NDUFAF6: variants seen among roughly 807,000 people sequenced by gnomAD.
The protein encoded by NDUFAF6 is NADH dehydrogenase (ubiquinone) complex I, assembly factor 6.
Under a neutral mutation model 40.8 loss-of-function variants are expected in NDUFAF6, and 45 were observed. That is an observed-to-expected ratio of 1.10 (90% CI 0.87 to 1.42). NDUFAF6 has a LOEUF of 1.42. NDUFAF6 is among the 40% of genes most tolerant of loss of function. The pLI is 0.00. For missense variants in NDUFAF6, 435 were observed against 418.5 expected (o/e 1.04, Z -0.34); for synonymous variants, 185 against 155.9 (o/e 1.19, Z -1.39).
At chr8:95,084,987 T>G (rs1043393198) in intron 2 of NDUFAF6, among the ~76,000 whole-genome samples, 16 of 152,228 alleles carry the variant, frequency 1.1e-4, no homozygotes, top group African/African-American at 3.9e-4. Context: ...ATCATTGGCC[T>G]GAATCACACT....
At position 94,997,343 on chromosome 8, in the gene NDUFAF6, C is replaced by CACAG. The variant is rs1242904810; in HGVS notation, c.-84+16371_-84+16372insCAGA. Among the ~76,000 whole-genome samples, 533 of 90,546 alleles carry CACAG rather than the reference C, an allele frequency of 5.9e-3. 1 individual carries two copies. Among genetic ancestry groups the CACAG allele is most frequent in the Admixed American group, 0.012 (79 of 6,462 alleles). 59.4% of individuals were successfully genotyped at this position (90,546 alleles called of 152,430 possible). On this transcript the variant is annotated intron_variant, in intron 2 of 9. Transcript: ENST00000396111. ...ACACACACACACACACACACACACACAGAGAGAGAGAGAGAGAGAGAGACA... is the reference window on the plus strand; with the variant it reads ...ACACACACACACACACACACACACACACAGAGAGAGAGAGAGAGAGAGAGAGACA...
chr8:95,002,930 A>G (rs1372776862), intron 2 of NDUFAF6, among the ~76,000 whole-genome samples: 4 of 152,112 alleles, frequency 2.6e-5, no homozygotes, highest in South Asian at 2.1e-4. Context: ...GACTTCCTCT[A>G]TGTGGTAGTG....
chr8:94,935,171 A>G (rs985118034), intron 1 of NDUFAF6, among the ~76,000 whole-genome samples: 4 of 151,906 alleles, frequency 2.6e-5, no homozygotes, highest in African/African-American at 9.7e-5. Context: ...ATAGATAGAT[A>G]GATATAATAC....
At chr8:94,941,701 T>TCAGC (rs1471042997) in intron 1 of NDUFAF6, among the ~76,000 whole-genome samples, 2 of 152,178 alleles carry the variant, frequency 1.3e-5, no homozygotes, top group Admixed American at 1.3e-4. Flanking sequence ...GTGTAGCAGC[T>TCAGC]CAGCAGGTGG....
At chr8:94,936,380 T>C (rs191014808) in intron 1 of NDUFAF6, among the ~76,000 whole-genome samples, 5 of 152,336 alleles carry the variant, frequency 3.3e-5, no homozygotes, top group African/African-American at 1.2e-4. Flanking sequence ...TCTGGAACTG[T>C]GTGAGGAGCT....
downstream of NDUFAF6, among the ~76,000 whole-genome samples, chr8:95,116,659 T>C (rs927141036): frequency 5.9e-5 from 9 of 152,164 alleles, no homozygotes; most frequent in African/African-American, 1.7e-4. Flanking sequence ...CCTAACCACA[T>C]TGAAGGCTGA....
intron 1 of NDUFAF6, among the ~76,000 whole-genome samples, chr8:94,959,631 A>G (rs1049130626): frequency 3.3e-5 from 5 of 151,830 alleles, no homozygotes; most frequent in African/African-American, 1.2e-4. Context: ...CCTGGGCTCA[A>G]GTGATCCTCC....
downstream of NDUFAF6, among the ~76,000 whole-genome samples, chr8:95,104,263 A>T (rs910100204): frequency 3.2e-4 from 49 of 152,224 alleles, no homozygotes; most frequent in African/African-American, 1.2e-3. Context: ...GGGAAAAAAG[A>T]GGTGAAACAA....
rs1451336654 is a variant in NDUFAF6 at position 94,980,715 on chromosome 8, T to TC, written c.-198-144_-198-143insC. Reference sequence around the variant, plus strand: ...ATCAGCATGCCTTGGCCTCCCGAAGTTTGGGTTTGAAGGTGTAAGCCACCG... The same window carrying TC: ...ATCAGCATGCCTTGGCCTCCCGAAGTCTTGGGTTTGAAGGTGTAAGCCACCG... On this transcript the variant is annotated intron_variant, in intron 1 of 9. Coordinates refer to the NDUFAF6 transcript ENST00000396111. 4.0e-4 allele frequency: 41 copies of TC among 101,926 alleles called. 1 individual carries two copies. The highest frequency in any genetic ancestry group is 2.0e-3 in the South Asian group (38 of 19,312). 6.3% of individuals were successfully genotyped at this position (101,926 alleles called of 1,614,324 possible). A position where few individuals can be genotyped will look rare whatever the true frequency, so the allele number is the denominator to read the frequency against.
intron 9 of NDUFAF6, among the ~76,000 whole-genome samples, chr8:95,073,379 C>A (rs1344290737): frequency 2.0e-5 from 3 of 152,244 alleles, no homozygotes; most frequent in African/African-American, 7.2e-5. Context: ...CAAGATGAGG[C>A]CGAGTAGGCA....
chr8:95,026,446 C>T (rs1034096059), intron 1 of NDUFAF6, among the ~76,000 whole-genome samples: 2 of 151,980 alleles, frequency 1.3e-5, no homozygotes, highest in Non-Finnish European at 2.9e-5. Flanking sequence ...CTAGCCTGGG[C>T]GACAGTCTCA....
intron 2 of NDUFAF6, among the ~76,000 whole-genome samples, chr8:95,082,479 C>A (rs1416193655): frequency 1.4e-5 from 2 of 147,182 alleles, no homozygotes; most frequent in East Asian, 2.0e-4. Flanking sequence ...CAGAATCACT[C>A]GAAGGTACTT....
In NDUFAF6 at chr8:94,904,320, CTTTTTTTTTTT is replaced by C. The variant is rs57749627; in HGVS notation, c.-936+8420_-936+8430del. The stretch of plus-strand genomic sequence containing the variant: ...CATCACACCTGGCTAATTTTTTTTG[CTTTTTTTTTTT>C]TTTTTTTTTTTTTTTTTTTTTTTTT... On this transcript the variant is annotated intron_variant, in intron 1 of 14. Transcript: ENST00000396113. Among the ~76,000 whole-genome samples, 123 of 34,120 alleles carry C rather than the reference CTTTTTTTTTTT, an allele frequency of 3.6e-3. 1 individual carries two copies. The highest frequency in any genetic ancestry group is 0.017 in the East Asian group (14 of 814). The allele number at this position is 34,120 out of a possible 152,430, so 22.4% of individuals were successfully genotyped here. A position where few individuals can be genotyped will look rare whatever the true frequency, so the allele number is the denominator to read the frequency against.
At chr8:94,907,697 G>T (rs921682716) in intron 1 of NDUFAF6, among the ~76,000 whole-genome samples, 1 of 152,222 alleles carries the variant, frequency 6.6e-6, no homozygotes, top group Admixed American at 6.5e-5. Context: ...ACCAAGAGAA[G>T]AGGCCAGAAG....
intron 3 of NDUFAF6, among the ~76,000 whole-genome samples, chr8:95,039,668 C>A (rs1221869077): frequency 1.3e-5 from 2 of 151,908 alleles, no homozygotes; most frequent in African/African-American, 4.8e-5. Context: ...CGCTGTGTTG[C>A]CCAGGCTGGA....
chr8:94,999,527 T>A (rs372969060), intron 2 of NDUFAF6, among the ~76,000 whole-genome samples: 223 of 152,186 alleles, frequency 1.5e-3, no homozygotes, highest in African/African-American at 4.7e-3. Context: ...AGCAATTCTC[T>A]GGCCTCAGCC....
intron 8 of NDUFAF6, 40 bp downstream of exon 8, chr8:95,052,270 C>T: frequency 6.3e-7 from 1 of 1,575,828 alleles, no homozygotes; most frequent in African/African-American, 1.3e-5. Flanking sequence ...ATTAGTGAAG[C>T]AGATGTGTAT....
At chr8:95,111,005 C>A (rs927662532) in intron 4 of NDUFAF6, among the ~76,000 whole-genome samples, 2 of 152,152 alleles carry the variant, frequency 1.3e-5, no homozygotes, top group Non-Finnish European at 2.9e-5. Context: ...GGAGGTGAAG[C>A]CTTGTGGGCT....
At chr8:94,903,035 T>A (rs1272092864) in intron 1 of NDUFAF6, among the ~76,000 whole-genome samples, 3 of 150,988 alleles carry the variant, frequency 2.0e-5, no homozygotes, top group Non-Finnish European at 4.4e-5. Context: ...TACCTAAGAG[T>A]GGAATTGTGA....
Sources: allele counts gnomAD v4.1 joint callset (sites outside exome capture counted in the v4.1 genomes callset), GRCh38; gene constraint gnomAD v4.1.1; transcripts MANE v1.5; gene names NCBI Gene and HGNC (gene_info 2026-07-23, HGNC 2026-07-21).